Variants in ASIP observed in about 807,000 individuals in gnomAD.
The protein encoded by ASIP is agouti-signaling protein.
A neutral mutation model predicts 10.3 loss-of-function variants in ASIP; 11 were observed. The ratio of observed to expected loss-of-function variants is 1.07; its 90% CI spans 0.68 to 1.78. The LOEUF (loss-of-function observed/expected upper bound fraction) is 1.78, where lower values mean the gene tolerates loss of function less well. Among genes scored for constraint, ASIP ranks in the 40% most tolerant of loss-of-function variants. The probability of loss-of-function intolerance (pLI) is 0.00; values close to 1 mark genes in which losing one functional copy is unlikely to be tolerated. For synonymous variants in ASIP, 70 were observed against 70.8 expected (o/e 0.99, Z 0.06); for missense variants, 180 against 169.2 (o/e 1.06, Z -0.35).
chr20:34,269,131 C>T lies in ASIP; in HGVS notation c.363C>T (p.Ser121=). ...CASCQCRFFR[S]ACSCRVLSLN... ...CCTGCCAGTGCCGCTTCTTCCGCAG[C>T]GCCTGCTCCTGCCGCGTGCTCAGCC... The change falls in exon 4 of 4, where the codon AGC becomes AGT. Residue 121 remains serine (S), a synonymous_variant. Transcript: ENST00000374954. The T allele has an allele frequency of 5.8e-6, 9 of 1,553,854 alleles. No individual in the cohort carries two copies. Among genetic ancestry groups the T allele is most frequent in the Non-Finnish European group, 7.8e-6 (9 of 1,149,214 alleles).
intron 3 of ASIP, among the ~76,000 whole-genome samples, chr20:34,264,735 G>A (rs1368204012): frequency 1.3e-5 from 2 of 149,642 alleles, no homozygotes; most frequent in Non-Finnish European, 3.0e-5. Context: ...TCTTATAATC[G>A]ATCTCTACTT....
At position 34,254,362 on chromosome 20, in the gene ASIP, C is replaced by T. The variant is rs1473517121; in HGVS notation, c.-10-6003C>T. Among the ~76,000 whole-genome samples the T allele has an allele frequency of 2.6e-5, 4 of 152,232 alleles. No individual in the cohort carries two copies. The South Asian group carries it at 6.2e-4, about 24-fold the overall frequency. ...ATAGGCGTGAGCCACAGGGCCCGGC[C>T]TAGCATTATTGTCCTGTATTAATAG... On this transcript the variant is annotated intron_variant, in intron 1 of 3. Transcript: ENST00000374954.
intron 1 of ASIP, chr20:34,250,156 T>G (rs1191623959): frequency 6.6e-6 from 1 of 152,292 alleles, no homozygotes; most frequent in Non-Finnish European, 1.5e-5. Flanking sequence ...AAGCCACTAT[T>G]ATGACTAACT....
intron 1 of ASIP, among the ~76,000 whole-genome samples, chr20:34,206,336 T>A (rs1254106083): frequency 6.6e-6 from 1 of 152,150 alleles, no homozygotes; most frequent in Non-Finnish European, 1.5e-5. Flanking sequence ...CCCTACTTTA[T>A]ATCTTCCTCC....
chr20:34,235,786 G>GAAGA (rs572242709), intron 1 of ASIP, among the ~76,000 whole-genome samples: 642 of 61,376 alleles, frequency 0.01, 43 homozygotes, highest in Non-Finnish European at 0.015. Context: ...CTCTGAGAAA[G>GAAGA]AAGAAAGAAA....
At chr20:34,189,680 C>A (rs151147859), upstream of ASIP, among the ~76,000 whole-genome samples, 1 of 152,188 alleles carries the variant, frequency 6.6e-6, no homozygotes, top group African/African-American at 2.4e-5. Flanking sequence ...GGAGGAAGTA[C>A]GTTCAGAGTA....
Position 34,222,997 on chromosome 20 carries a change from A to G in ASIP, c.-11+28237A>G, listed in dbSNP as rs372229560. ...TCACTACAACCTACACCTCCCAGCC[A>G]CCTGCCTTGGCCTCCCAAAGTGCCG... On this transcript the variant is annotated intron_variant, in intron 1 of 3. Transcript: ENST00000568305. Among the ~76,000 whole-genome samples, 981 of 148,528 alleles carry G rather than the reference A, an allele frequency of 6.6e-3. 39 individuals carry two copies. Among genetic ancestry groups the G allele is most frequent in the Admixed American group, 0.045 (664 of 14,748 alleles).
intron 3 of ASIP, among the ~76,000 whole-genome samples, chr20:34,267,459 C>CA (rs953440256): frequency 0.056 from 2,506 of 45,074 alleles, 264 homozygotes; most frequent in African/African-American, 0.12. Context: ...AACTGGCTCT[C>CA]AAAAAAAAAA....
intron 1 of ASIP, among the ~76,000 whole-genome samples, chr20:34,219,958 T>C (rs1169271936): frequency 2.0e-5 from 3 of 152,018 alleles, no homozygotes; most frequent in Admixed American, 6.6e-5. Context: ...GGCGTGGTGG[T>C]GGGTGCCTGT....
chr20:34,241,432 C>G lies in ASIP; in HGVS notation c.-68C>G, dbSNP rs2035281910. On this transcript the variant is annotated 5_prime_UTR_variant, in exon 1 of 4. Coordinates refer to ENST00000374954, the MANE Select transcript of ASIP (RefSeq NM_001672.3). ...TTATAGATGAGCAAGCAGCAAATCT[C>G]TACAGCTGCAAGGTGAAAAAGGAAG... 5 of 984,942 alleles carry G rather than the reference C, an allele frequency of 5.1e-6. No homozygotes were observed. The highest frequency in any genetic ancestry group is 4.8e-6 in the Non-Finnish European group (4 of 829,604). The allele number at this position is 984,942 out of a possible 1,614,324, so 61.0% of individuals were successfully genotyped here.
chr20:34,213,862 T>C (rs2034990370), intron 1 of ASIP: 1 of 1,550,264 alleles, frequency 6.5e-7, no homozygotes, highest in Non-Finnish European at 8.9e-7. Flanking sequence ...CACAGTCTGC[T>C]TGTTGCTGAA....
chr20:34,214,195 T>C, intron 1 of ASIP: 2 of 1,293,888 alleles, frequency 1.5e-6, no homozygotes, highest in Non-Finnish European at 2.3e-6. Context: ...TTCATTTGCT[T>C]ATTGAGAGAT....
intron 1 of ASIP, among the ~76,000 whole-genome samples, chr20:34,198,491 T>C (rs1048504986): frequency 6.6e-6 from 1 of 151,862 alleles, no homozygotes; most frequent in African/African-American, 2.4e-5. Context: ...ATGTATGTAT[T>C]TATTTATTTT....
upstream of ASIP, among the ~76,000 whole-genome samples, chr20:34,236,703 C>T (rs1031811823): frequency 5.3e-5 from 8 of 152,216 alleles, no homozygotes; most frequent in Non-Finnish European, 7.4e-5. Context: ...AATCATTATG[C>T]ATTATATAAT....
At chr20:34,215,412 A>T in intron 1 of ASIP, 1 of 1,541,726 alleles carries the variant, frequency 6.5e-7, no homozygotes. Flanking sequence ...CCTCTGATGT[A>T]TGCACCACAT....
chr20:34,262,507 C>T (rs112740925), intron 2 of ASIP, among the ~76,000 whole-genome samples: 1 of 152,190 alleles, frequency 6.6e-6, no homozygotes, highest in Non-Finnish European at 1.5e-5. Flanking sequence ...AAGGAAGGGG[C>T]ACCTGGGGTG....
chr20:34,194,842 A>G (rs1382227891), intron 1 of ASIP: 1 of 152,200 alleles, frequency 6.6e-6, no homozygotes, highest in Non-Finnish European at 1.5e-5. Flanking sequence ...ATGCTATAGT[A>G]ATATATCTAT....
Position 34,269,130 on chromosome 20 carries a change from G to T in ASIP, c.362G>T (p.Ser121Ile), listed in dbSNP as rs1161975211. The part of the protein sequence containing the change: ...CASCQCRFFR[S>I]ACSCRVLSLN... ...TCCTGCCAGTGCCGCTTCTTCCGCA[G>T]CGCCTGCTCCTGCCGCGTGCTCAGC... The change falls in exon 4 of 4, where the codon AGC (serine) becomes ATC (isoleucine). Residue 121 changes from serine (S) to isoleucine (I), a missense_variant. Coordinates refer to ENST00000374954, the MANE Select transcript of ASIP (RefSeq NM_001672.3). The T allele has an allele frequency of 1.3e-6, 2 of 1,554,314 alleles. No homozygotes were observed. The highest frequency in any genetic ancestry group is 1.9e-5 in the Admixed American group (1 of 51,930).
chr20:34,217,556 T>G (rs1050941994), intron 1 of ASIP, among the ~76,000 whole-genome samples: 6 of 149,834 alleles, frequency 4.0e-5, no homozygotes, highest in African/African-American at 1.2e-4. Flanking sequence ...ACTGAAAGCT[T>G]ATTTATGTAT....
Sources: allele counts gnomAD v4.1 joint callset (sites outside exome capture counted in the v4.1 genomes callset), GRCh38; gene constraint gnomAD v4.1.1; transcripts MANE v1.5; gene names NCBI Gene and HGNC (gene_info 2026-07-23, HGNC 2026-07-21).